The following NAA11 variants were observed in gnomAD, a reference collection of about 807,000 sequenced individuals.
The protein encoded by NAA11 is N-alpha-acetyltransferase 11.
In NAA11, 15 loss-of-function variants were observed where a neutral mutation model predicts 16.1. The observed-to-expected ratio is 0.93, with a 90% CI of 0.62 to 1.44. NAA11 has a LOEUF of 1.44. Among genes scored for constraint, NAA11 ranks in the 40% most tolerant of loss-of-function variants. NAA11 has a pLI of 0.00. For synonymous variants in NAA11, 122 were observed against 112.4 expected (o/e 1.09, Z -0.54); for missense variants, 298 against 291.3 (o/e 1.02, Z -0.17).
At chr4:79,275,906 T>A (rs1722636700) in intron 2 of NAA11, among the ~76,000 whole-genome samples, 1 of 152,134 alleles carries the variant, frequency 6.6e-6, no homozygotes, top group Non-Finnish European at 1.5e-5. Flanking sequence ...GCTTGTTAAT[T>A]TAAATATGTT....
intron 1 of NAA11, among the ~76,000 whole-genome samples, chr4:79,320,699 C>G (rs751623010): frequency 2.5e-4 from 38 of 152,162 alleles, no homozygotes; most frequent in Non-Finnish European, 4.7e-4. Context: ...ATGAAATCAA[C>G]CAGTTCTTCA....
chr4:79,200,121 C>A, the NAA11 span, among the ~76,000 whole-genome samples: 1 of 151,880 alleles, frequency 6.6e-6, no homozygotes, highest in Admixed American at 6.6e-5. Context: ...TGCCAGACAG[C>A]TTGGGCTGGA....
the NAA11 span, among the ~76,000 whole-genome samples, chr4:79,173,053 T>C: frequency 6.6e-6 from 1 of 152,110 alleles, no homozygotes; most frequent in Non-Finnish European, 1.5e-5. Context: ...AACACCAATA[T>C]GGAAACTCCA....
chr4:79,174,402 T>G, the NAA11 span, among the ~76,000 whole-genome samples: 1 of 152,106 alleles, frequency 6.6e-6, no homozygotes, highest in South Asian at 2.1e-4. Context: ...GTTCTCTGGG[T>G]GTCCACATCT....
chr4:79,272,807 T>C (rs1475079215), intron 2 of NAA11, among the ~76,000 whole-genome samples: 1 of 151,990 alleles, frequency 6.6e-6, no homozygotes, highest in Non-Finnish European at 1.5e-5. Context: ...AAGGACAACC[T>C]GTCTATACTG....
At chr4:79,173,959 G>A in the NAA11 span, among the ~76,000 whole-genome samples, 1 of 152,028 alleles carries the variant, frequency 6.6e-6, no homozygotes, top group African/African-American at 2.4e-5. Context: ...TGGTCTCTTA[G>A]GACAACAACA....
chr4:79,249,926 A>G (rs1375902201), intron 2 of NAA11, among the ~76,000 whole-genome samples: 1 of 152,196 alleles, frequency 6.6e-6, no homozygotes, highest in African/African-American at 2.4e-5. Context: ...TACACCTTCA[A>G]CCTAGGCATC....
intron 1 of NAA11, among the ~76,000 whole-genome samples, chr4:79,318,498 T>C (rs1476913120): frequency 1.3e-5 from 2 of 152,152 alleles, no homozygotes; most frequent in African/African-American, 2.4e-5. Context: ...TTTTCATCTA[T>C]CATATGCACA....
At chr4:79,161,389 C>T in the NAA11 span, among the ~76,000 whole-genome samples, 7 of 152,110 alleles carry the variant, frequency 4.6e-5, no homozygotes, top group African/African-American at 1.4e-4. Flanking sequence ...GTATGACTAT[C>T]CTTGTACCAG....
chr4:79,302,956 G>C (rs1043354427), intron 1 of NAA11, among the ~76,000 whole-genome samples: 3 of 151,328 alleles, frequency 2.0e-5, no homozygotes, highest in Non-Finnish European at 4.4e-5. Flanking sequence ...TTGAATTTTA[G>C]GGTTTTGTTG....
the NAA11 span, among the ~76,000 whole-genome samples, chr4:79,185,923 C>T: frequency 6.6e-6 from 1 of 151,660 alleles, no homozygotes; most frequent in African/African-American, 2.4e-5. Context: ...AGTGTTTGCC[C>T]ACTTCTTTGA....
At chr4:79,157,019 G>A in the NAA11 span, among the ~76,000 whole-genome samples, 1 of 152,170 alleles carries the variant, frequency 6.6e-6, no homozygotes. Context: ...TAAATTGACA[G>A]TAGTAGATTC....
At chr4:79,241,688 A>C (rs1721698888) in intron 2 of NAA11, among the ~76,000 whole-genome samples, 1 of 152,228 alleles carries the variant, frequency 6.6e-6, no homozygotes, top group Non-Finnish European at 1.5e-5. Context: ...AGTAGGCAGT[A>C]GATACAATGA....
intron 2 of NAA11, among the ~76,000 whole-genome samples, chr4:79,257,157 A>G (rs1257252415): frequency 1.3e-5 from 2 of 151,962 alleles, no homozygotes; most frequent in Non-Finnish European, 2.9e-5. Flanking sequence ...TTTTTCCCCT[A>G]TGTGTTCCAG....
intron 1 of NAA11, among the ~76,000 whole-genome samples, chr4:79,302,774 A>G (rs1723429564): frequency 6.6e-6 from 1 of 152,086 alleles, no homozygotes; most frequent in Non-Finnish European, 1.5e-5. Flanking sequence ...ACAAAATGGA[A>G]CATGGACTAG....
chr4:79,264,058 A>G (rs1302215234), intron 2 of NAA11, among the ~76,000 whole-genome samples: 3 of 152,048 alleles, frequency 2.0e-5, no homozygotes, highest in Admixed American at 1.3e-4. Context: ...TGCCCTCCCA[A>G]TATTTAACTT....
chr4:79,320,083 A>G (rs943419618), intron 1 of NAA11, among the ~76,000 whole-genome samples: 7 of 152,182 alleles, frequency 4.6e-5, no homozygotes, highest in Non-Finnish European at 8.8e-5. Flanking sequence ...AATCAAGCAC[A>G]TATTTCTTGT....
At chr4:79,158,172 A>G in the NAA11 span, among the ~76,000 whole-genome samples, 6 of 141,732 alleles carry the variant, frequency 4.2e-5, no homozygotes, top group African/African-American at 1.5e-4. Context: ...AAGTGCTGGG[A>G]TTACAGCCGT....
At chr4:79,298,364 G>T (rs1723286715) in intron 1 of NAA11, among the ~76,000 whole-genome samples, 1 of 152,244 alleles carries the variant, frequency 6.6e-6, no homozygotes, top group Admixed American at 6.5e-5. Flanking sequence ...CAGGTTGCGG[G>T]AGAAGAAAAG....
Sources: gnomAD v4.1 joint callset for allele counts (sites outside exome capture counted in the v4.1 genomes callset) on GRCh38, gnomAD v4.1.1 for gene constraint, MANE v1.5 for transcripts, NCBI Gene and HGNC (gene_info 2026-07-23, HGNC 2026-07-21) for gene names.